NUDT13: variants seen among roughly 807,000 people sequenced by gnomAD.
NUDT13 encodes the protein NAD(P)H pyrophosphatase NUDT13, mitochondrial.
A neutral mutation model predicts 41.7 loss-of-function variants in NUDT13; 40 were observed. That is an observed-to-expected ratio of 0.96 (90% CI 0.75 to 1.25). NUDT13 has a LOEUF of 1.25. Among genes scored for constraint, NUDT13 ranks in the 50% most tolerant of loss-of-function variants. The pLI is 0.00. For synonymous variants in NUDT13, 145 were observed against 155.5 expected, an observed-to-expected ratio of 0.93 and a Z score of 0.50; for missense variants, 390 against 416.1, an observed-to-expected ratio of 0.94 and a Z score of 0.55.
At position 73,121,415 on chromosome 10, in the gene NUDT13, A is replaced by G. The variant is rs537985110; in HGVS notation, c.224-760A>G. On this transcript the variant is annotated intron_variant, in intron 3 of 8. Transcript: ENST00000357321. ...ACTCCATCAGAAGGCACTAAACATT[A>G]TTTAGAGATTTAGCAATGTTTATGT... 7.9e-5 allele frequency among the ~76,000 whole-genome samples: 12 copies of G among 152,300 alleles called. No individual in the cohort carries two copies. The South Asian group carries it at 2.5e-3, about 32-fold the overall frequency.
intron 5 of NUDT13, 64 bp from the exon 6 acceptor site, chr10:73,125,054 G>T: frequency 6.5e-7 from 1 of 1,537,850 alleles, no homozygotes. Context: ...ACTAGGCCCA[G>T]TGCTGTTAAA....
At position 73,130,884 on chromosome 10, in the gene NUDT13, G is replaced by C. The variant is rs1842903975; in HGVS notation, c.1040G>C (p.Cys347Ser). 6.2e-7 allele frequency: 1 copy of C among 1,613,602 alleles called. No homozygotes were observed. Among genetic ancestry groups the C allele is most frequent in the Non-Finnish European group, 8.5e-7 (1 of 1,179,792 alleles). Residue 347 changes from cysteine to serine, a missense_variant, in exon 9 of 9, where the codon TGT becomes TCT. Physicochemically the swap from Cys to Ser is moderately radical, Grantham distance 112 (BLOSUM62 -1). Transcript: ENST00000357321. The part of the protein sequence containing the change: ...LIKEWVEKQT[C>S]SSLPA ...AAGGAGTGGGTGGAAAAACAGACCTGTTCTTCCCTGCCTGCTTAGCCCGGA... is the reference window on the plus strand; with the variant it reads ...AAGGAGTGGGTGGAAAAACAGACCTCTTCTTCCCTGCCTGCTTAGCCCGGA...
At chr10:73,121,060 C>T (rs1842635711) in intron 3 of NUDT13, among the ~76,000 whole-genome samples, 1 of 151,852 alleles carries the variant, frequency 6.6e-6, no homozygotes, top group Non-Finnish European at 1.5e-5. Flanking sequence ...ATATCTAAGC[C>T]ATTGGGGTTT....
chr10:73,128,427 A>G (rs994538984), intron 8 of NUDT13, among the ~76,000 whole-genome samples: 2 of 152,152 alleles, frequency 1.3e-5, no homozygotes, highest in Non-Finnish European at 2.9e-5. Flanking sequence ...TAAAGAAGGT[A>G]TGAGTTAATA....
At chr10:73,123,140 TC>T (rs1842687872) in intron 4 of NUDT13, among the ~76,000 whole-genome samples, 1 of 152,092 alleles carries the variant, frequency 6.6e-6, no homozygotes, top group African/African-American at 2.4e-5. Context: ...CCTCAGGTGA[TC>T]CGCCTGCCTC....
At chr10:73,121,230 C>T (rs1410384450) in intron 3 of NUDT13, among the ~76,000 whole-genome samples, 1 of 152,022 alleles carries the variant, frequency 6.6e-6, no homozygotes, top group South Asian at 2.1e-4. Context: ...AAAAATTAGT[C>T]GAGCCTTGTG....
intron 7 of NUDT13, chr10:73,126,042 C>T (rs1345428761): frequency 4.3e-5 from 9 of 208,536 alleles, no homozygotes; most frequent in Non-Finnish European, 8.1e-5. Flanking sequence ...AACACCCATA[C>T]ACCCACTACC....
chr10:73,124,788 T>C (rs1842730830), intron 5 of NUDT13: 1 of 218,890 alleles, frequency 4.6e-6, no homozygotes, highest in Admixed American at 5.4e-5. Flanking sequence ...GAGAAGAACA[T>C]TTTGGGGTGT....
chr10:73,112,616 T>C (rs1453333761), intron 1 of NUDT13, among the ~76,000 whole-genome samples: 1 of 151,892 alleles, frequency 6.6e-6, no homozygotes, highest in Non-Finnish European at 1.5e-5. Flanking sequence ...AATTAATATA[T>C]TCATCACCTC....
Position 73,124,279 on chromosome 10 carries a change from C to T in NUDT13, c.424C>T (p.Leu142Phe), listed in dbSNP as rs767813684. 3.1e-6 allele frequency: 5 copies of T among 1,613,328 alleles called. No individual in the cohort carries two copies. In the East Asian group the frequency reaches 1.1e-4, roughly 36 times the overall value. ...GTCTTTCATTGAGCTGAGAAAGGCACTCTTTCAACTCAATGCAAGGGATGC... is the reference window on the plus strand; with the variant it reads ...GTCTTTCATTGAGCTGAGAAAGGCATTCTTTCAACTCAATGCAAGGGATGC... Reference protein sequence around the residue: ...KGSFIELRKALFQLNARDASL... With the variant: ...KGSFIELRKAFFQLNARDASL... Residue 142 changes from leucine to phenylalanine, a missense_variant, in exon 5 of 9, where the codon CTC (leucine) becomes TTC (phenylalanine). Leu to Phe is a conservative substitution (Grantham distance 22). Coordinates refer to ENST00000357321, the MANE Select transcript of NUDT13 (RefSeq NM_015901.6).
intron 7 of NUDT13, chr10:73,126,192 G>A: frequency 4.0e-6 from 1 of 247,912 alleles, no homozygotes. Flanking sequence ...TAGGCCCCCT[G>A]CTCTGAGCAC....
intron 8 of NUDT13, among the ~76,000 whole-genome samples, chr10:73,130,003 T>C (rs892579029): frequency 6.6e-6 from 1 of 151,808 alleles, no homozygotes; most frequent in Non-Finnish European, 1.5e-5. Flanking sequence ...GTAATATTTG[T>C]ATGTTCTTTT....
rs371930328 is a variant in NUDT13, at chr10:73,126,649, C to T, written c.704-24C>T. 3.7e-6 allele frequency: 6 copies of T among 1,613,128 alleles called. No homozygotes were observed. The African/African-American group carries it at 8.0e-5, about 22-fold the overall frequency. ...CACCCTTCTAGCCTACAGGGCTGTC[C>T]TGAATTAATCTGAGTGCTTGTAGGT... On this transcript the variant is annotated intron_variant, in intron 7 of 8. Transcript: ENST00000357321.
At chr10:73,122,895 T>G (rs998451316) in intron 4 of NUDT13, among the ~76,000 whole-genome samples, 2 of 146,402 alleles carry the variant, frequency 1.4e-5, no homozygotes, top group Admixed American at 1.3e-4. Context: ...ACATTTTGTA[T>G]ATTTCTTTTT....
At chr10:73,119,907 A>C in intron 2 of NUDT13, 111 bp from the exon 3 acceptor site, 1 of 1,142,544 alleles carries the variant, frequency 8.8e-7, no homozygotes. Flanking sequence ...AAATAAATAA[A>C]GGGAAATAAC....
At chr10:73,125,711 G>A (rs1842758710) in intron 7 of NUDT13, among the ~76,000 whole-genome samples, 1 of 146,626 alleles carries the variant, frequency 6.8e-6, no homozygotes, top group Admixed American at 6.7e-5. Flanking sequence ...TGAGATGGGA[G>A]TCTCACCCTG....
chr10:73,113,950 A>G (rs1157609810), intron 1 of NUDT13, among the ~76,000 whole-genome samples: 5 of 152,188 alleles, frequency 3.3e-5, no homozygotes, highest in Admixed American at 2.0e-4. Context: ...GCCAGAATGG[A>G]TTATTTAGTT....
chr10:73,118,530 C>T (rs1842568625), intron 2 of NUDT13, among the ~76,000 whole-genome samples: 1 of 152,132 alleles, frequency 6.6e-6, no homozygotes, highest in African/African-American at 2.4e-5. Flanking sequence ...GCATTCTGTC[C>T]CTGCTGATCA....
Position 73,126,831 on chromosome 10 carries a change from A to G in NUDT13, c.858+4A>G. On this transcript the variant is annotated splice_donor_region_variant and intron_variant, in intron 8 of 8. Transcript: ENST00000357321. ...TGTGAAACCAGGGCAGACAGAAGTA[A>G]GTTCTCATCTTCCCTTATACTGTGA... The G allele has an allele frequency of 6.2e-6, 10 of 1,613,514 alleles. No individual in the cohort carries two copies. The highest frequency in any genetic ancestry group is 8.5e-6 in the Non-Finnish European group (10 of 1,179,472).
Sources: gnomAD v4.1 joint callset for allele counts (sites outside exome capture counted in the v4.1 genomes callset) on GRCh38, gnomAD v4.1.1 for gene constraint, MANE v1.5 for transcripts, NCBI Gene and HGNC (gene_info 2026-07-23, HGNC 2026-07-21) for gene names.